SRD5A2: variants seen among roughly 807,000 people sequenced by gnomAD.
SRD5A2 encodes steroid 5 alpha-reductase 2.
SRD5A2 carries 30 observed loss-of-function variants against 27.4 expected under a neutral mutation model. That is an observed-to-expected ratio of 1.10 (90% CI 0.82 to 1.49). The LOEUF (loss-of-function observed/expected upper bound fraction) is 1.49, where lower values mean the gene tolerates loss of function less well. Ranked by LOEUF, SRD5A2 falls within the 40% of genes most tolerant of loss-of-function variation. The probability of loss-of-function intolerance (pLI) is 0.00; values close to 1 mark genes in which losing one functional copy is unlikely to be tolerated. For missense variants in SRD5A2, 348 were observed against 323.4 expected (o/e 1.08, Z -0.58); for synonymous variants, 141 against 133.6 (o/e 1.06, Z -0.38).
the SRD5A2 span, among the ~76,000 whole-genome samples, chr2:31,653,493 T>C: frequency 7.9e-5 from 12 of 152,182 alleles, no homozygotes; most frequent in Non-Finnish European, 1.6e-4. Flanking sequence ...TACATAAGAT[T>C]GTTTCTTATG....
intron 1 of SRD5A2, among the ~76,000 whole-genome samples, chr2:31,560,437 T>C (rs1166851539): frequency 6.6e-6 from 1 of 152,230 alleles, no homozygotes; most frequent in Non-Finnish European, 1.5e-5. Context: ...GCACTTTTTG[T>C]ATTTCTGTTT....
At chr2:31,581,448 G>C (rs1667082409), upstream of SRD5A2, among the ~76,000 whole-genome samples, 2 of 152,060 alleles carry the variant, frequency 1.3e-5, no homozygotes, top group Admixed American at 6.5e-5. Context: ...CTGGCTCTCT[G>C]AGCGTCTGCC....
chr2:31,620,910 C>T, the SRD5A2 span, among the ~76,000 whole-genome samples: 2 of 144,728 alleles, frequency 1.4e-5, no homozygotes, highest in African/African-American at 5.0e-5. Flanking sequence ...TGCTATCTGA[C>T]CCTTAAAAAT....
chr2:31,575,835 G>T (rs868206549), intron 1 of SRD5A2, among the ~76,000 whole-genome samples: 2 of 152,134 alleles, frequency 1.3e-5, no homozygotes, highest in African/African-American at 4.8e-5. Context: ...AGTTATCAAG[G>T]TCCCATCAAA....
rs2224473 is a variant in SRD5A2, at chr2:31,551,625, C to T, written c.282-17859G>A. Among the ~76,000 whole-genome samples the T allele has an allele frequency of 5.3e-5, 8 of 152,074 alleles. No individual in the cohort carries two copies. The East Asian group carries it at 7.7e-4, about 15-fold the overall frequency. ...AAAACAGAACAGTGTGTGGACACTG[C>T]GTATGGTTTCTACTGAATGCATTTT... On this transcript the variant is annotated intron_variant, in intron 1 of 4. Transcript: ENST00000622030.
At position 31,524,477 on chromosome 2, in the gene SRD5A2, G is replaced by C. The variant is rs1665729102; in HGVS notation, c.*1719C>G. ...AAGAAAGGAAACGACACTACAGACA[G>C]GGTGAATGGGAATGAGGGACAGGCG... On this transcript the variant is annotated 3_prime_UTR_variant, in exon 5 of 5. Transcript: ENST00000622030. The C allele has an allele frequency of 4.3e-6, 1 of 230,004 alleles. No homozygotes were observed. Among genetic ancestry groups the C allele is most frequent in the Non-Finnish European group, 8.6e-6 (1 of 116,024 alleles). 14.2% of individuals were successfully genotyped at this position (230,004 alleles called of 1,614,324 possible).
chr2:31,583,533 T>C (rs181995565), upstream of SRD5A2, among the ~76,000 whole-genome samples: 57 of 151,048 alleles, frequency 3.8e-4, no homozygotes, highest in African/African-American at 1.3e-3. Flanking sequence ...GAACACCCTC[T>C]TGCAAGCTGC....
chr2:31,634,324 T>C, the SRD5A2 span, among the ~76,000 whole-genome samples: 1 of 151,738 alleles, frequency 6.6e-6, no homozygotes, highest in South Asian at 2.1e-4. Flanking sequence ...AGAAAAAAGG[T>C]TTAAAAAAAG....
chr2:31,561,768 G>T (rs1380171831), intron 1 of SRD5A2, among the ~76,000 whole-genome samples: 2 of 152,112 alleles, frequency 1.3e-5, no homozygotes, highest in African/African-American at 2.4e-5. Flanking sequence ...ACCTCCCATA[G>T]GCATGCTACT....
At chr2:31,542,880 A>G (rs6740595) in intron 1 of SRD5A2, among the ~76,000 whole-genome samples, 19,150 of 152,152 alleles carry the variant, frequency 0.13, 1,284 homozygotes, top group Middle Eastern at 0.19. Flanking sequence ...GAGAGAATAT[A>G]GGAAGAAATA....
chr2:31,595,456 G>A, the SRD5A2 span, among the ~76,000 whole-genome samples: 1 of 152,020 alleles, frequency 6.6e-6, no homozygotes, highest in Non-Finnish European at 1.5e-5. Context: ...AAAACCTAAG[G>A]GGATGGATAA....
Position 31,526,115 on chromosome 2 carries a change from T to G in SRD5A2, c.*81A>C. 1.2e-6 allele frequency: 1 copy of G among 842,916 alleles called. No individual in the cohort carries two copies. Among genetic ancestry groups the G allele is most frequent in the Non-Finnish European group, 1.9e-6 (1 of 538,112 alleles). 52.2% of individuals were successfully genotyped at this position (842,916 alleles called of 1,614,324 possible). ...CTATTACATATATACGGGACTATTA[T>G]ATCATGAAAATTACAGTTTCAGCAG... On this transcript the variant is annotated 3_prime_UTR_variant, in exon 5 of 5. Transcript: ENST00000622030.
At chr2:31,634,437 C>T in the SRD5A2 span, among the ~76,000 whole-genome samples, 6 of 151,928 alleles carry the variant, frequency 3.9e-5, no homozygotes, top group Middle Eastern at 3.4e-3. Context: ...AGGATGGGGG[C>T]GTATATCTGA....
At chr2:31,566,567 C>A (rs919989423) in intron 1 of SRD5A2, among the ~76,000 whole-genome samples, 1 of 152,146 alleles carries the variant, frequency 6.6e-6, no homozygotes, top group Non-Finnish European at 1.5e-5. Flanking sequence ...TGGACTTTGC[C>A]AAGTGCTACT....
upstream of SRD5A2, among the ~76,000 whole-genome samples, chr2:31,585,884 T>C (rs1667167361): frequency 6.6e-6 from 1 of 152,116 alleles, no homozygotes; most frequent in African/African-American, 2.4e-5. Flanking sequence ...CTTAATAGCC[T>C]TTCTGCCTTA....
the SRD5A2 span, among the ~76,000 whole-genome samples, chr2:31,648,977 T>C: frequency 2.6e-5 from 4 of 152,200 alleles, no homozygotes; most frequent in African/African-American, 9.6e-5. Context: ...TAAGATGTGC[T>C]TCTCTTTCCT....
the SRD5A2 span, among the ~76,000 whole-genome samples, chr2:31,607,667 AGT>A: frequency 2.6e-5 from 4 of 152,216 alleles, no homozygotes; most frequent in South Asian, 8.3e-4. Context: ...TCCTGATGAA[AGT>A]GTGTCCTCAG....
chr2:31,579,727 T>C (rs1667030861), intron 1 of SRD5A2, among the ~76,000 whole-genome samples: 2 of 152,190 alleles, frequency 1.3e-5, no homozygotes, highest in African/African-American at 4.8e-5. Context: ...TTGGGCATGG[T>C]AGGCAATTTA....
the SRD5A2 span, among the ~76,000 whole-genome samples, chr2:31,615,135 G>A: frequency 1.7e-3 from 252 of 152,218 alleles, 2 homozygotes; most frequent in Non-Finnish European, 3.0e-3. Flanking sequence ...CCAGTCTCAG[G>A]TATGTCTTTA....
Sources: gnomAD v4.1 joint callset for allele counts (sites outside exome capture counted in the v4.1 genomes callset) on GRCh38, gnomAD v4.1.1 for gene constraint, MANE v1.5 for transcripts, NCBI Gene and HGNC (gene_info 2026-07-23, HGNC 2026-07-21) for gene names.